SLC39A11: variants seen among roughly 807,000 people sequenced by gnomAD.
SLC39A11 encodes solute carrier family 39 member 11, also known as zinc transporter ZIP11.
Under a neutral mutation model 36.1 loss-of-function variants are expected in SLC39A11, and 33 were observed. The ratio of observed to expected loss-of-function variants is 0.91; its 90% CI spans 0.69 to 1.22. The LOEUF (loss-of-function observed/expected upper bound fraction) is 1.22, where lower values mean the gene tolerates loss of function less well. SLC39A11 is among the 50% of genes most tolerant of loss of function. The pLI is 0.00. For synonymous variants in SLC39A11, 166 were observed against 170.3 expected, an observed-to-expected ratio of 0.97 and a Z score of 0.20; for missense variants, 432 against 430.3, an observed-to-expected ratio of 1.00 and a Z score of -0.03.
At chr17:72,845,054 C>G (rs1598966658) in intron 6 of SLC39A11, among the ~76,000 whole-genome samples, 1 of 152,316 alleles carries the variant, frequency 6.6e-6, no homozygotes, top group Admixed American at 6.5e-5. Flanking sequence ...AGCACGACCA[C>G]CTTGGTCTGC....
chr17:72,822,356 G>T (rs114964137), intron 6 of SLC39A11, among the ~76,000 whole-genome samples: 18,289 of 148,290 alleles, frequency 0.12, 1,791 homozygotes, highest in East Asian at 0.19. Flanking sequence ...TATATATATA[G>T]AGAGAGAGAG....
intron 4 of SLC39A11, among the ~76,000 whole-genome samples, chr17:72,955,989 A>G (rs2086229494): frequency 6.6e-6 from 1 of 152,092 alleles, no homozygotes. Context: ...ACGGGTAGAT[A>G]CCTATCCTAT....
At chr17:72,658,515 T>C (rs961061840) in intron 7 of SLC39A11, among the ~76,000 whole-genome samples, 4 of 152,246 alleles carry the variant, frequency 2.6e-5, no homozygotes, top group Non-Finnish European at 5.9e-5. Flanking sequence ...GGCTGACTTC[T>C]CTTCTCCAGC....
At chr17:72,855,996 T>C (rs2079624044) in intron 5 of SLC39A11, among the ~76,000 whole-genome samples, 1 of 152,234 alleles carries the variant, frequency 6.6e-6, no homozygotes, top group Admixed American at 6.5e-5. Flanking sequence ...CAAATTATTA[T>C]TTACATTCTC....
rs972981359 is a variant in SLC39A11 at position 72,690,738 on chromosome 17, A to T, written c.672-41470T>A. On this transcript the variant is annotated intron_variant, in intron 7 of 9. Coordinates refer to ENST00000255559, the MANE Select transcript of SLC39A11 (RefSeq NM_139177.4). ...GTGGTGGTGGGATGGAAGGAAAGAG[A>T]GGTGGTGGAGTCTCAGGGAAGGGAG... 3.9e-5 allele frequency among the ~76,000 whole-genome samples: 6 copies of T among 152,102 alleles called. 1 individual carries two copies. Among genetic ancestry groups the T allele is most frequent in the Non-Finnish European group, 7.4e-5 (5 of 68,018 alleles).
At chr17:72,994,673 C>G (rs1341512058) in intron 4 of SLC39A11, among the ~76,000 whole-genome samples, 3 of 152,204 alleles carry the variant, frequency 2.0e-5, no homozygotes, top group Admixed American at 1.3e-4. Context: ...ATCCAGCCTA[C>G]TTTAAGTAGA....
At chr17:72,883,529 A>AG (rs2081309786) in intron 5 of SLC39A11, among the ~76,000 whole-genome samples, 1 of 152,174 alleles carries the variant, frequency 6.6e-6, no homozygotes, top group Non-Finnish European at 1.5e-5. Context: ...CTAGCCAGTT[A>AG]ATTACACGGA....
At chr17:72,752,504 CAA>C (rs2075195117) in intron 6 of SLC39A11, among the ~76,000 whole-genome samples, 1 of 152,160 alleles carries the variant, frequency 6.6e-6, no homozygotes, top group Admixed American at 6.5e-5. Context: ...CTCAGCCTCC[CAA>C]AAGTGTTAGG....
intron 4 of SLC39A11, among the ~76,000 whole-genome samples, chr17:72,978,851 C>T (rs561509223): frequency 7.0e-4 from 106 of 152,276 alleles, no homozygotes; most frequent in Non-Finnish European, 1.3e-3. Context: ...ACTTAGGGCA[C>T]GCCAACTCTG....
intron 5 of SLC39A11, among the ~76,000 whole-genome samples, chr17:72,874,074 T>C (rs1279748523): frequency 6.6e-6 from 1 of 152,212 alleles, no homozygotes; most frequent in Non-Finnish European, 1.5e-5. Context: ...CTTTATAAAC[T>C]ACCCAGTCTT....
At chr17:72,708,052 A>G (rs527502917) in intron 7 of SLC39A11, among the ~76,000 whole-genome samples, 1 of 152,324 alleles carries the variant, frequency 6.6e-6, no homozygotes, top group East Asian at 1.9e-4. Flanking sequence ...GCTCCACTCC[A>G]GTTCCGAGGT....
intron 6 of SLC39A11, among the ~76,000 whole-genome samples, chr17:72,844,043 G>A (rs2078941817): frequency 6.6e-6 from 1 of 151,822 alleles, no homozygotes; most frequent in South Asian, 2.1e-4. Context: ...AAAAAAAATC[G>A]ATTCTCCATT....
chr17:72,863,250 T>C (rs754652210), intron 5 of SLC39A11, among the ~76,000 whole-genome samples: 1 of 152,178 alleles, frequency 6.6e-6, no homozygotes, highest in Non-Finnish European at 1.5e-5. Context: ...ACGAAGCAAA[T>C]TACCTTTTGC....
intron 6 of SLC39A11, among the ~76,000 whole-genome samples, chr17:72,776,725 T>C (rs547181779): frequency 6.6e-6 from 1 of 151,348 alleles, no homozygotes; most frequent in Admixed American, 6.6e-5. Flanking sequence ...TATATACCCG[T>C]GGTCTGGTCT....
intron 3 of SLC39A11, chr17:73,067,833 C>A: frequency 1.3e-6 from 2 of 1,567,616 alleles, no homozygotes; most frequent in Non-Finnish European, 1.8e-6. Context: ...CTGTGAAAAT[C>A]CATTTAATGT....
chr17:73,000,294 T>TTC (rs1221124032), intron 4 of SLC39A11, among the ~76,000 whole-genome samples: 25 of 143,658 alleles, frequency 1.7e-4, no homozygotes, highest in Non-Finnish European at 2.9e-4. Context: ...TCTCTCTGCC[T>TTC]TCTCTCTCTC....
chr17:72,888,206 G>A (rs1392361302), intron 5 of SLC39A11, among the ~76,000 whole-genome samples: 2 of 152,174 alleles, frequency 1.3e-5, no homozygotes, highest in Non-Finnish European at 2.9e-5. Context: ...GAAACCCTGA[G>A]TCTAAACTTA....
intron 5 of SLC39A11, among the ~76,000 whole-genome samples, chr17:72,883,725 T>A (rs2146596745): frequency 6.6e-6 from 1 of 152,286 alleles, no homozygotes; most frequent in Admixed American, 6.5e-5. Flanking sequence ...GGGAAAGCCA[T>A]GAAGATGGCT....
At chr17:73,045,874 C>T (rs1246469337) in intron 3 of SLC39A11, among the ~76,000 whole-genome samples, 1 of 152,130 alleles carries the variant, frequency 6.6e-6, no homozygotes, top group Non-Finnish European at 1.5e-5. Context: ...ACATGTTGCC[C>T]CAAGCTGCCT....
Sources: allele counts gnomAD v4.1 joint callset (sites outside exome capture counted in the v4.1 genomes callset), GRCh38; gene constraint gnomAD v4.1.1; transcripts MANE v1.5; gene names NCBI Gene and HGNC (gene_info 2026-07-23, HGNC 2026-07-21).